HNRNPR: variants seen among roughly 807,000 people sequenced by gnomAD.
The protein encoded by HNRNPR is heterogeneous nuclear ribonucleoprotein R.
A neutral mutation model predicts 70.3 loss-of-function variants in HNRNPR; 4 were observed. The observed-to-expected ratio is 0.06, with a 90% CI of 0.03 to 0.13. The LOEUF (loss-of-function observed/expected upper bound fraction) is 0.13, where lower values mean the gene tolerates loss of function less well. Among genes scored for constraint, HNRNPR ranks in the 10% least tolerant of loss-of-function variants. The pLI, the probability that HNRNPR is intolerant of heterozygous loss-of-function variation, is 1.00. For synonymous variants in HNRNPR, 241 were observed against 267.6 expected (o/e 0.90, Z 0.97); for missense variants, 423 against 788.5 (o/e 0.54, Z 5.55).
chr1:23,316,187 T>G (rs930414793), intron 8 of HNRNPR, among the ~76,000 whole-genome samples: 7 of 152,144 alleles, frequency 4.6e-5, no homozygotes, highest in Admixed American at 3.9e-4. Context: ...TGGATGGGGT[T>G]GCAAGCACCC....
chr1:23,334,884 TCTAC>T (rs1376058764), intron 4 of HNRNPR, among the ~76,000 whole-genome samples: 13 of 151,852 alleles, frequency 8.6e-5, no homozygotes, highest in Admixed American at 8.5e-4. Context: ...AGAAACACAA[TCTAC>T]CTAGAAAAGA....
At chr1:23,322,562 T>C (rs1645802120) in intron 6 of HNRNPR, among the ~76,000 whole-genome samples, 1 of 152,220 alleles carries the variant, frequency 6.6e-6, no homozygotes, top group African/African-American at 2.4e-5. Flanking sequence ...ACTTTAATAT[T>C]ATTTAACCAT....
At chr1:23,339,541 C>T (rs969251896) in intron 2 of HNRNPR, among the ~76,000 whole-genome samples, 2 of 152,094 alleles carry the variant, frequency 1.3e-5, no homozygotes, top group Non-Finnish European at 2.9e-5. Context: ...ATTGATCCAA[C>T]GTAAAATGCA....
At chr1:23,337,320 T>C (rs1339363151) in intron 4 of HNRNPR, among the ~76,000 whole-genome samples, 1 of 152,232 alleles carries the variant, frequency 6.6e-6, no homozygotes, top group Non-Finnish European at 1.5e-5. Flanking sequence ...ATCCTTCTTA[T>C]GTAATTCCTC....
At chr1:23,334,617 C>T (rs1325456606) in intron 4 of HNRNPR, among the ~76,000 whole-genome samples, 1 of 152,112 alleles carries the variant, frequency 6.6e-6, no homozygotes, top group Non-Finnish European at 1.5e-5. Flanking sequence ...TCATAAGCTC[C>T]ACAAGAATCA....
intron 8 of HNRNPR, 79 bp from the exon 9 acceptor site, chr1:23,313,781 A>G (rs551567280): frequency 1.2e-5 from 17 of 1,446,454 alleles, no homozygotes; most frequent in Admixed American, 2.5e-5. Context: ...TCTTCATAGC[A>G]TAGCTTTTCT....
chr1:23,316,172 G>A (rs1645536080), intron 8 of HNRNPR, among the ~76,000 whole-genome samples: 1 of 152,188 alleles, frequency 6.6e-6, no homozygotes, highest in Non-Finnish European at 1.5e-5. Context: ...AAACAATAAA[G>A]GAGCTGGATG....
At chr1:23,327,131 A>G (rs926119940) in intron 5 of HNRNPR, among the ~76,000 whole-genome samples, 7 of 152,154 alleles carry the variant, frequency 4.6e-5, no homozygotes, top group Admixed American at 1.3e-4. Context: ...GATGTTTTCA[A>G]TTCCTCCCAT....
intron 8 of HNRNPR, among the ~76,000 whole-genome samples, chr1:23,313,916 T>C (rs1047503430): frequency 6.6e-6 from 1 of 152,146 alleles, no homozygotes; most frequent in African/African-American, 2.4e-5. Flanking sequence ...TATGTTGTCA[T>C]TAAAGCACCT....
At chr1:23,331,544 G>A (rs375483911) in intron 5 of HNRNPR, among the ~76,000 whole-genome samples, 1 of 152,000 alleles carries the variant, frequency 6.6e-6, no homozygotes, top group East Asian at 1.9e-4. Flanking sequence ...TACAAAATTA[G>A]CCAGGTGTGG....
intron 4 of HNRNPR, among the ~76,000 whole-genome samples, chr1:23,336,367 C>T (rs1322340385): frequency 5.3e-5 from 8 of 151,096 alleles, no homozygotes; most frequent in Admixed American, 5.3e-4. Context: ...AGATTGAGAC[C>T]ATCCTGGCTA....
At chr1:23,323,480 A>T in intron 6 of HNRNPR, 76 bp downstream of exon 6, 1 of 1,325,332 alleles carries the variant, frequency 7.5e-7, no homozygotes, top group Non-Finnish European at 1.1e-6. Flanking sequence ...AAATAATGTT[A>T]ACTACAAACA....
chr1:23,310,633 C>A lies in HNRNPR; in HGVS notation c.1723G>T (p.Ala575Ser). The A allele has an allele frequency of 6.2e-7, 1 of 1,614,038 alleles. No homozygotes were observed. Among genetic ancestry groups the A allele is most frequent in the South Asian group, 1.1e-5 (1 of 91,062 alleles). ...RGGNVGGKRK[A>S]DGYNQPDSKR... is the part of the protein sequence containing the mutation. ...GAATCAGGCTGGTTGTACCCATCTGCCTTTCTCTTGCCTCCTACATTGCCC... is the reference window on the plus strand; with the variant it reads ...GAATCAGGCTGGTTGTACCCATCTGACTTTCTCTTGCCTCCTACATTGCCC... The change falls in exon 11 of 11, where the codon GCA (alanine) becomes TCA (serine). Residue 575 changes from alanine to serine, a missense_variant. Physicochemically the swap from Ala to Ser is moderately conservative, Grantham distance 99. Around this residue, in one of 7 missense-constraint regions of HNRNPR, gnomAD observed 7 missense variants for 27.8 expected, o/e 0.25. Transcript: ENST00000302271. This position sits in a 1 kb window ranked among gnomAD's most constrained non-coding sequence, Gnocchi z 6.0.
rs59528152 is a variant in HNRNPR at position 23,331,405 on chromosome 1, T to TAAAAAA, written c.498+2107_498+2112dup. Among the ~76,000 whole-genome samples the TAAAAAA allele has an allele frequency of 3.6e-3, 455 of 127,194 alleles. 25 individuals are homozygous for TAAAAAA. The highest frequency in any genetic ancestry group is 6.9e-3 in the African/African-American group (231 of 33,362). The allele number at this position is 127,194 out of a possible 152,430, so 83.4% of individuals were successfully genotyped here. On this transcript the variant is annotated intron_variant, in intron 5 of 10. Transcript: ENST00000302271. ...GGGAGACTCCATCTCCACAAAAAATTAAAAAAAAAAAAAAAAATAGCTGGG... is the reference window on the plus strand; with the variant it reads ...GGGAGACTCCATCTCCACAAAAAATTAAAAAAAAAAAAAAAAAAAAAAATAGCTGGG...
In HNRNPR at chr1:23,311,035, G is replaced by A. The variant is rs1232196877; in HGVS notation, c.1321C>T (p.Arg441Cys). ...CGACCTCTAATTGGAGGTGGCATGCGAGGAGGAGGGTGGTAGTAATAATCT... is the reference window on the plus strand; with the variant it reads ...CGACCTCTAATTGGAGGTGGCATGCAAGGAGGAGGGTGGTAGTAATAATCT... The part of the protein sequence containing the change: ...YEDYYYHPPP[R>C]MPPPIRGRGR... The change falls in exon 11 of 11, where the codon CGC becomes TGC. Residue 441 changes from arginine to cysteine, a missense_variant. Around this residue, in one of 7 missense-constraint regions of HNRNPR, gnomAD observed 169 missense variants for 195.6 expected, o/e 0.86. Coordinates refer to ENST00000302271, the MANE Select transcript of HNRNPR (RefSeq NM_005826.5). The A allele has an allele frequency of 3.7e-6, 6 of 1,614,150 alleles. No individual in the cohort carries two copies. The highest frequency in any genetic ancestry group is 4.2e-6 in the Non-Finnish European group (5 of 1,180,016).
At chr1:23,322,536 A>T (rs999496046) in intron 6 of HNRNPR, among the ~76,000 whole-genome samples, 1 of 152,194 alleles carries the variant, frequency 6.6e-6, no homozygotes, top group African/African-American at 2.4e-5. Flanking sequence ...ACACCTGGCC[A>T]ATTTTAGCTT....
chr1:23,316,745 A>T (rs1645561407), intron 8 of HNRNPR, among the ~76,000 whole-genome samples: 1 of 152,208 alleles, frequency 6.6e-6, no homozygotes, highest in African/African-American at 2.4e-5. Flanking sequence ...ACCCAAAGTC[A>T]TAGTTGTATT....
chr1:23,311,150 T>C (rs1450710109), intron 10 of HNRNPR, 51 bp downstream of exon 10: 3 of 1,610,986 alleles, frequency 1.9e-6, no homozygotes, highest in Admixed American at 1.7e-5. Context: ...CTGATCTCCA[T>C]TATCACGTTA....
intron 4 of HNRNPR, among the ~76,000 whole-genome samples, chr1:23,333,863 T>C (rs1397562645): frequency 6.6e-6 from 1 of 152,194 alleles, no homozygotes; most frequent in East Asian, 1.9e-4. Flanking sequence ...CTTACCTCCT[T>C]CATGCAGCTT....
Sources: gnomAD v4.1 joint callset for allele counts (sites outside exome capture counted in the v4.1 genomes callset) on GRCh38, gnomAD v4.1.1 for gene constraint, gnomAD v4.1.1 regional missense constraint, Gnocchi (gnomAD v3.1) non-coding constraint, MANE v1.5 for transcripts, NCBI Gene and HGNC (gene_info 2026-07-23, HGNC 2026-07-21) for gene names.